The following BAALC variants were observed in gnomAD, a reference collection of about 807,000 sequenced individuals.
The protein encoded by BAALC is brain and acute leukemia cytoplasmic protein.
A neutral mutation model predicts 15.5 loss-of-function variants in BAALC; 9 were observed. The ratio of observed to expected loss-of-function variants is 0.58; its 90% CI spans 0.35 to 1.02. The LOEUF is 1.02. BAALC is among the 50% of genes least tolerant of loss of function. BAALC has a pLI of 0.02. For synonymous variants in BAALC, 80 were observed against 74.6 expected, an observed-to-expected ratio of 1.07 and a Z score of -0.37; for missense variants, 201 against 192.4, an observed-to-expected ratio of 1.04 and a Z score of -0.27.
At chr8:103,160,994 T>C (rs1811212164) in intron 1 of BAALC, among the ~76,000 whole-genome samples, 2 of 152,136 alleles carry the variant, frequency 1.3e-5, no homozygotes, top group Admixed American at 1.3e-4. Context: ...CATCCTTCAA[T>C]CCAATCAAGT....
intron 2 of BAALC, among the ~76,000 whole-genome samples, chr8:103,224,379 A>T (rs1026413259): frequency 1.7e-5 from 2 of 121,094 alleles, no homozygotes; most frequent in Non-Finnish European, 3.2e-5. Context: ...TTTAAGAAAT[A>T]CATTGGTTTG....
intron 1 of BAALC, among the ~76,000 whole-genome samples, chr8:103,206,436 C>G (rs1812333806): frequency 6.6e-6 from 1 of 152,018 alleles, no homozygotes; most frequent in South Asian, 2.1e-4. Flanking sequence ...CATGGTCCAC[C>G]CAAGACAACC....
intron 1 of BAALC, among the ~76,000 whole-genome samples, chr8:103,186,506 T>A (rs1227649259): frequency 6.6e-6 from 1 of 152,186 alleles, no homozygotes; most frequent in East Asian, 1.9e-4. Flanking sequence ...CTGGTTACTT[T>A]TGAAAATTCC....
At chr8:103,211,547 T>C (rs1812446245) in intron 1 of BAALC, among the ~76,000 whole-genome samples, 6 of 152,230 alleles carry the variant, frequency 3.9e-5, no homozygotes. Flanking sequence ...CCATTTCTTT[T>C]GGGGATCTCC....
At chr8:103,165,706 T>A (rs190718184) in intron 1 of BAALC, 9 of 152,330 alleles carry the variant, frequency 5.9e-5, no homozygotes, top group African/African-American at 1.9e-4. Flanking sequence ...TATATTTTAC[T>A]TCTTCAGCCA....
At chr8:103,194,061 C>G (rs932765935) in intron 1 of BAALC, among the ~76,000 whole-genome samples, 1 of 151,748 alleles carries the variant, frequency 6.6e-6, no homozygotes, top group African/African-American at 2.4e-5. Flanking sequence ...AAGTCGTTTT[C>G]TTTTGATGCA....
rs1260277891 is a variant in BAALC, at chr8:103,228,266, G to A, written c.*167G>A. On this transcript the variant is annotated 3_prime_UTR_variant, in exon 3 of 3. Transcript: ENST00000309982. ...AGCAAACTGCTGCCTGATTTGTTGG[G>A]ACCTTCTGAGCCTTCTACTTATCAT... 3.4e-6 allele frequency: 2 copies of A among 593,390 alleles called. No homozygotes were observed. Among genetic ancestry groups the A allele is most frequent in the Non-Finnish European group, 6.0e-6 (2 of 333,550 alleles). The allele number at this position is 593,390 out of a possible 1,614,324, so 36.8% of individuals were successfully genotyped here.
At chr8:103,182,406 C>G (rs770362517) in intron 1 of BAALC, among the ~76,000 whole-genome samples, 15 of 152,308 alleles carry the variant, frequency 9.8e-5, no homozygotes, top group Middle Eastern at 3.4e-3. Flanking sequence ...GACAGAAAGA[C>G]GTAACATGTG....
chr8:103,193,607 A>T (rs957539345), intron 1 of BAALC, among the ~76,000 whole-genome samples: 1 of 152,196 alleles, frequency 6.6e-6, no homozygotes, highest in African/African-American at 2.4e-5. Context: ...TTAGAGTCAC[A>T]CAGATCTGGG....
At chr8:103,227,156 A>G (rs1265472699) in intron 2 of BAALC, among the ~76,000 whole-genome samples, 1 of 152,162 alleles carries the variant, frequency 6.6e-6, no homozygotes, top group East Asian at 1.9e-4. Context: ...CTTGTGGGTC[A>G]TTCTTCCTGA....
chr8:103,225,366 TC>T (rs1812781956), intron 2 of BAALC, among the ~76,000 whole-genome samples: 1 of 152,220 alleles, frequency 6.6e-6, no homozygotes. Flanking sequence ...GTCAAAATTA[TC>T]CTTAAATGTT....
intron 2 of BAALC, among the ~76,000 whole-genome samples, chr8:103,226,736 G>A (rs1378461775): frequency 6.6e-6 from 1 of 152,162 alleles, no homozygotes; most frequent in Non-Finnish European, 1.5e-5. Context: ...GTTAGAAGTA[G>A]ATAGTCTATC....
At chr8:103,200,789 CT>C in intron 1 of BAALC, 1 of 675,658 alleles carries the variant, frequency 1.5e-6, no homozygotes, top group Non-Finnish European at 2.7e-6. Context: ...CCTTCAACCT[CT>C]TTTATAAGGG....
intron 1 of BAALC, among the ~76,000 whole-genome samples, chr8:103,201,285 G>A (rs1812209982): frequency 6.6e-6 from 1 of 152,192 alleles, no homozygotes; most frequent in Non-Finnish European, 1.5e-5. Flanking sequence ...CACCAGAGGG[G>A]CATTATGATT....
intron 1 of BAALC, among the ~76,000 whole-genome samples, chr8:103,210,807 G>A (rs1812432736): frequency 1.3e-5 from 2 of 152,172 alleles, no homozygotes; most frequent in African/African-American, 4.8e-5. Flanking sequence ...AAAATATTCA[G>A]TATTTGTCAG....
intron 1 of BAALC, among the ~76,000 whole-genome samples, chr8:103,188,951 T>C (rs1029451311): frequency 6.6e-6 from 1 of 152,354 alleles, no homozygotes; most frequent in Admixed American, 6.5e-5. Flanking sequence ...TACCTTTTAG[T>C]TCCATTAGAC....
intron 2 of BAALC, among the ~76,000 whole-genome samples, chr8:103,216,369 C>T (rs1203115988): frequency 6.6e-6 from 1 of 152,192 alleles, no homozygotes; most frequent in African/African-American, 2.4e-5. Context: ...CTGCTTTATA[C>T]TCTAACTAGC....
chr8:103,141,289 C>CG, intron 1 of BAALC: 2 of 482,504 alleles, frequency 4.1e-6, no homozygotes, highest in Non-Finnish European at 7.0e-6. Flanking sequence ...TCCAGCAGCC[C>CG]AATGCTCTTT....
At chr8:103,204,828 A>T (rs1160298369) in intron 1 of BAALC, among the ~76,000 whole-genome samples, 1 of 152,224 alleles carries the variant, frequency 6.6e-6, no homozygotes, top group East Asian at 1.9e-4. Context: ...ACAATTTCTC[A>T]TCAGATTGAA....
Sources: allele counts gnomAD v4.1 joint callset (sites outside exome capture counted in the v4.1 genomes callset), GRCh38; gene constraint gnomAD v4.1.1; transcripts MANE v1.5; gene names NCBI Gene and HGNC (gene_info 2026-07-23, HGNC 2026-07-21).